Variants in CNTNAP2 observed in about 807,000 individuals in gnomAD.
CNTNAP2 encodes the protein contactin-associated protein-like 2.
A neutral mutation model predicts 155.2 loss-of-function variants in CNTNAP2; 98 were observed. The observed-to-expected ratio is 0.63, with a 90% CI of 0.54 to 0.75. CNTNAP2 has a LOEUF of 0.75. CNTNAP2 is among the 30% of genes least tolerant of loss of function. The pLI, the probability that CNTNAP2 is intolerant of heterozygous loss-of-function variation, is 0.00. For synonymous variants in CNTNAP2, 651 were observed against 631.2 expected (o/e 1.03, Z -0.47); for missense variants, 1,727 against 1,688.1 (o/e 1.02, Z -0.40).
intron 14 of CNTNAP2, among the ~76,000 whole-genome samples, chr7:147,946,002 G>A (rs1048706442): frequency 1.3e-5 from 2 of 151,252 alleles, no homozygotes; most frequent in African/African-American, 4.9e-5. Flanking sequence ...TAAGTAGCTG[G>A]GATTACAGAT....
intron 15 of CNTNAP2, chr7:148,014,060 T>C (rs186006457): frequency 6.0e-4 from 91 of 152,232 alleles, no homozygotes; most frequent in African/African-American, 2.1e-3. Flanking sequence ...AATCATTTCA[T>C]TTTCTTTCAG....
chr7:147,286,952 A>T (rs142758921), intron 8 of CNTNAP2, among the ~76,000 whole-genome samples: 1 of 152,096 alleles, frequency 6.6e-6, no homozygotes, highest in East Asian at 1.9e-4. Flanking sequence ...ACATTCTCCT[A>T]TTCTTTTACT....
chr7:146,671,786 C>T (rs1800311612), intron 1 of CNTNAP2, among the ~76,000 whole-genome samples: 1 of 151,770 alleles, frequency 6.6e-6, no homozygotes, highest in African/African-American at 2.4e-5. Context: ...ACAGTATTCT[C>T]TTTCTTTTCT....
intron 20 of CNTNAP2, among the ~76,000 whole-genome samples, chr7:148,258,441 C>A (rs189675732): frequency 6.6e-6 from 1 of 152,288 alleles, no homozygotes; most frequent in East Asian, 1.9e-4. Flanking sequence ...TTTAGATGAA[C>A]GTATCCTTGA....
In CNTNAP2 at chr7:148,267,103, C is replaced by T. The variant is rs1486286473; in HGVS notation, c.3452C>T (p.Ser1151Leu). 1.2e-5 allele frequency: 20 copies of T among 1,614,000 alleles called. No homozygotes were observed. Among genetic ancestry groups the T allele is most frequent in the African/African-American group, 2.7e-5 (2 of 74,924 alleles). Residue 1151 changes from serine (S) to leucine (L), a missense_variant, in exon 21 of 24, where the codon TCG (serine) becomes TTG (leucine). Coordinates refer to ENST00000361727, the MANE Select transcript of CNTNAP2 (RefSeq NM_014141.6). ...GACACCCTCTTCAATTCTCCCAAGT[C>T]GCTCTTTCTGGGAAAAGTTATAGGT... ...SSDTLFNSPK[S>L]LFLGKVIETG... is the part of the protein sequence containing the mutation.
chr7:146,430,923 G>A lies in CNTNAP2; in HGVS notation c.97+313950G>A, dbSNP rs985205957. On this transcript the variant is annotated intron_variant, in intron 1 of 23. Coordinates refer to ENST00000361727, the MANE Select transcript of CNTNAP2 (RefSeq NM_014141.6). The stretch of plus-strand genomic sequence containing the variant: ...GAATGGAACAGTTAATCTATTCGTC[G>A]TCACTGTGAGACATAGCAGATGTTC... 3.9e-5 allele frequency among the ~76,000 whole-genome samples: 6 copies of A among 151,970 alleles called. 1 individual carries two copies. The South Asian group carries it at 6.2e-4, about 16-fold the overall frequency.
chr7:147,070,936 A>AGTGTGT (rs559952405), intron 4 of CNTNAP2, among the ~76,000 whole-genome samples: 1 of 150,504 alleles, frequency 6.6e-6, no homozygotes. Context: ...TACCACTGGC[A>AGTGTGT]GTGTGTGTGT....
At chr7:146,540,071 A>G (rs1393300271) in intron 1 of CNTNAP2, among the ~76,000 whole-genome samples, 3 of 152,056 alleles carry the variant, frequency 2.0e-5, no homozygotes, top group African/African-American at 7.2e-5. Context: ...AAGGCCAGGC[A>G]GAGTTTAGAA....
At chr7:148,130,329 A>C (rs1804803167) in intron 16 of CNTNAP2, among the ~76,000 whole-genome samples, 1 of 152,370 alleles carries the variant, frequency 6.6e-6, no homozygotes, top group Middle Eastern at 3.4e-3. Flanking sequence ...CCTACTAGTC[A>C]TAAAAGGCAG....
chr7:146,605,088 A>AAC (rs1554454808), intron 1 of CNTNAP2, among the ~76,000 whole-genome samples: 3,388 of 75,232 alleles, frequency 0.045, 115 homozygotes, highest in Middle Eastern at 0.056. Flanking sequence ...AAAAAACAAC[A>AAC]AAAAAAAAAA....
intron 1 of CNTNAP2, among the ~76,000 whole-genome samples, chr7:146,580,055 T>C (rs894946156): frequency 8.5e-5 from 13 of 152,138 alleles, no homozygotes; most frequent in Non-Finnish European, 1.3e-4. Context: ...ATATTTCCTA[T>C]GCTTAAGGCA....
At chr7:148,144,635 T>C (rs970189359) in intron 16 of CNTNAP2, among the ~76,000 whole-genome samples, 18 of 152,312 alleles carry the variant, frequency 1.2e-4, no homozygotes, top group African/African-American at 4.1e-4. Flanking sequence ...TTGATACTCA[T>C]GGAAAGGCAA....
rs5888239 is a variant in CNTNAP2 at position 147,148,389 on chromosome 7, C to CAA, written c.1348+15898_1348+15899dup. 6.4e-3 allele frequency among the ~76,000 whole-genome samples: 524 copies of CAA among 81,594 alleles called. 12 individuals carry two copies. Among genetic ancestry groups the CAA allele is most frequent in the East Asian group, 8.7e-3 (23 of 2,652 alleles). The allele number at this position is 81,594 out of a possible 152,430, so 53.5% of individuals were successfully genotyped here. A position where few individuals can be genotyped will look rare whatever the true frequency, so the allele number is the denominator to read the frequency against. The stretch of plus-strand genomic sequence containing the variant: ...TGGGCGACAGAGCGAGACTCCGTCT[C>CAA]AAAAAAAAAAAAAAAAAAAGTGGTG... On this transcript the variant is annotated intron_variant, in intron 8 of 23. Transcript: ENST00000361727.
At chr7:146,758,780 G>A (rs893305489) in intron 1 of CNTNAP2, among the ~76,000 whole-genome samples, 6 of 152,122 alleles carry the variant, frequency 3.9e-5, no homozygotes, top group African/African-American at 1.4e-4. Flanking sequence ...TGAGATTTGG[G>A]TGGGGACACA....
chr7:146,416,640 G>A (rs1795942064), intron 1 of CNTNAP2, among the ~76,000 whole-genome samples: 1 of 152,176 alleles, frequency 6.6e-6, no homozygotes, highest in South Asian at 2.1e-4. Context: ...TCCATTTAAA[G>A]CCATAAAATC....
At chr7:148,225,837 G>C (rs1006843111) in intron 19 of CNTNAP2, among the ~76,000 whole-genome samples, 6 of 152,174 alleles carry the variant, frequency 3.9e-5, no homozygotes, top group Non-Finnish European at 8.8e-5. Context: ...GGAGAAAGAG[G>C]ACAGTCAAGG....
intron 9 of CNTNAP2, among the ~76,000 whole-genome samples, chr7:147,357,171 G>A (rs1303423842): frequency 6.6e-6 from 1 of 152,088 alleles, no homozygotes; most frequent in Admixed American, 6.6e-5. Flanking sequence ...CTACCCCTTT[G>A]TCCTCTAGCT....
intron 13 of CNTNAP2, among the ~76,000 whole-genome samples, chr7:147,881,700 G>A (rs755707882): frequency 2.6e-5 from 4 of 152,190 alleles, no homozygotes; most frequent in South Asian, 2.1e-4. Context: ...GGCCAGCACC[G>A]TGGCTCACGC....
intron 1 of CNTNAP2, among the ~76,000 whole-genome samples, chr7:146,563,935 A>G (rs560731544): frequency 6.6e-6 from 1 of 152,230 alleles, no homozygotes; most frequent in East Asian, 1.9e-4. Flanking sequence ...ATCTTGCCTT[A>G]CAACATCTTG....
Sources: allele counts gnomAD v4.1 joint callset (sites outside exome capture counted in the v4.1 genomes callset), GRCh38; gene constraint gnomAD v4.1.1; transcripts MANE v1.5; gene names NCBI Gene and HGNC (gene_info 2026-07-23, HGNC 2026-07-21).